The following ATR variants were observed in gnomAD, a reference collection of about 807,000 sequenced individuals.
ATR encodes the protein serine/threonine-protein kinase ATR.
Under a neutral mutation model 305.3 loss-of-function variants are expected in ATR, and 142 were observed. That is an observed-to-expected ratio of 0.47 (90% CI 0.41 to 0.53). ATR has a LOEUF of 0.53. Ranked by LOEUF, ATR falls within the 20% of genes least tolerant of loss-of-function variation. The pLI is 0.00. For missense variants in ATR, 2,135 were observed against 3,133.1 expected (o/e 0.68, Z 7.60); for synonymous variants, 1,050 against 1,068.1 (o/e 0.98, Z 0.33).
intron 40 of ATR, 89 bp downstream of exon 40, chr3:142,466,235 G>A (rs2071127411): frequency 1.1e-5 from 15 of 1,350,534 alleles, no homozygotes; most frequent in South Asian, 7.4e-5. Flanking sequence ...TAAGATTCAC[G>A]TAGATTTTGT....
At chr3:142,558,234 C>T (rs891492832) in intron 8 of ATR, among the ~76,000 whole-genome samples, 7 of 151,606 alleles carry the variant, frequency 4.6e-5, no homozygotes, top group African/African-American at 1.7e-4. Context: ...TAAAACAAAC[C>T]ACACAAGGCC....
chr3:142,560,609 G>A (rs1267141759), intron 5 of ATR, among the ~76,000 whole-genome samples, 155 bp from the exon 6 acceptor site: 1 of 151,190 alleles, frequency 6.6e-6, no homozygotes, highest in African/African-American at 2.4e-5. Flanking sequence ...CTCCCAGGCT[G>A]GAGTGCAGTG....
rs192967891 is a variant in ATR, at chr3:142,508,646, G to A, written c.4853-537C>T. ...ACAATAGAAATTGAAAGTAATGGCT[G>A]GGCATGATGGTTCACGCCTGTAATC... On this transcript the variant is annotated intron_variant, in intron 27 of 46. Transcript: ENST00000350721. Among the ~76,000 whole-genome samples, 157 of 152,250 alleles carry A rather than the reference G, an allele frequency of 1.0e-3. 1 individual carries two copies. Among genetic ancestry groups the A allele is most frequent in the African/African-American group, 3.6e-3 (149 of 41,558 alleles).
chr3:142,453,439 G>A (rs2108250172), intron 45 of ATR, among the ~76,000 whole-genome samples: 1 of 152,184 alleles, frequency 6.6e-6, no homozygotes, highest in East Asian at 1.9e-4. Context: ...CAAGATAGAG[G>A]GGAGTCAGAG....
At chr3:142,451,745 A>C (rs758346341) in intron 46 of ATR, 18 of 1,160,532 alleles carry the variant, frequency 1.6e-5, no homozygotes, top group Non-Finnish European at 1.9e-5. Flanking sequence ...GAGCCCAGCT[A>C]ATTAAAAAAA....
Position 142,485,265 on chromosome 3 carries a change from C to A in ATR, c.6096G>T (p.Leu2032=), listed in dbSNP as rs2108311616. Residue 2032 remains leucine (L), a synonymous_variant, in exon 36 of 47, where the codon CTG becomes CTT. Transcript: ENST00000350721. ...MKKYKDVTAC[L]PEWEDGHFYL... Reference sequence around the variant, plus strand: ...AAAAATGCCCATCCTCCCATTCTGGCAGGCACGCGGTCACATCCTATAAAA... The same window carrying A: ...AAAAATGCCCATCCTCCCATTCTGGAAGGCACGCGGTCACATCCTATAAAA... 1 of 1,614,152 alleles carries A rather than the reference C, an allele frequency of 6.2e-7. No individual in the cohort carries two copies. Among genetic ancestry groups the A allele is most frequent in the Non-Finnish European group, 8.5e-7 (1 of 1,180,002 alleles).
intron 35 of ATR, among the ~76,000 whole-genome samples, chr3:142,487,509 C>T (rs1287712376): frequency 3.3e-5 from 5 of 152,156 alleles, no homozygotes; most frequent in East Asian, 1.9e-4. Context: ...CAAGTTATTG[C>T]ATATAAATTT....
chr3:142,475,621 G>A (rs1188655489), intron 36 of ATR, among the ~76,000 whole-genome samples: 2 of 152,226 alleles, frequency 1.3e-5, no homozygotes, highest in Admixed American at 1.3e-4. Context: ...CCAGTAATGG[G>A]ATGGCTAGGT....
In ATR at chr3:142,519,721, T is replaced by C; in HGVS notation, c.4330A>G (p.Arg1444Gly). 1 of 1,614,182 alleles carries C rather than the reference T, an allele frequency of 6.2e-7. No individual in the cohort carries two copies. The change falls in exon 24 of 47, where the codon AGG (arginine) becomes GGG (glycine). Residue 1444 changes from arginine to glycine, a missense_variant. By Grantham distance (125) the Arg-to-Gly change is moderately radical (BLOSUM62 -2). This residue lies in a region of ATR where 202 missense variants were observed against 252.9 expected (regional missense o/e 0.80). Coordinates refer to ENST00000350721, the MANE Select transcript of ATR (RefSeq NM_001184.4). ...ETNGPGHQLW[R>G]RFPEHVREIL... Reference sequence around the variant, plus strand: ...TCCCGAACATGCTCAGGAAATCTCCTCCACAATTGGTGACCTGGGCCGTTG... The same window carrying C: ...TCCCGAACATGCTCAGGAAATCTCCCCCACAATTGGTGACCTGGGCCGTTG...
chr3:142,563,190 CT>C, intron 3 of ATR, 81 bp from the exon 4 acceptor site: 1 of 1,358,926 alleles, frequency 7.4e-7, no homozygotes, highest in Non-Finnish European at 1.0e-6. Flanking sequence ...TGACGATTGA[CT>C]TTTAAAGAAT....
Position 142,538,526 on chromosome 3 carries a change from A to T in ATR, c.3681T>A (p.Pro1227=), listed in dbSNP as rs2108432363. 6.2e-7 allele frequency: 1 copy of T among 1,613,390 alleles called. No individual in the cohort carries two copies. Among genetic ancestry groups the T allele is most frequent in the Non-Finnish European group, 8.5e-7 (1 of 1,179,482 alleles). Residue 1227 remains proline (P), a synonymous_variant, in exon 19 of 47, where the codon CCT becomes CCA. Coordinates refer to ENST00000350721, the MANE Select transcript of ATR (RefSeq NM_001184.4). ...VALLPLIHIQ[P]KETAAIFHYL... is the part of the protein sequence containing the mutation. The stretch of plus-strand genomic sequence containing the variant: ...AGTGGAAGATAGCTGCAGTTTCTTT[A>T]GGCTGGATGTGTATAAGAGGTAACA...
intron 46 of ATR, chr3:142,451,056 T>TC: frequency 7.8e-7 from 1 of 1,278,762 alleles, no homozygotes; most frequent in Non-Finnish European, 1.0e-6. Flanking sequence ...TCCCTGGAGC[T>TC]CCAGGAAAAT....
chr3:142,450,875 G>T (rs1401905734), intron 46 of ATR: 13 of 1,315,204 alleles, frequency 9.9e-6, no homozygotes, highest in Non-Finnish European at 1.2e-5. Context: ...CAAGCAGACA[G>T]ATACCAATAC....
At chr3:142,572,521 C>T (rs562420483) in intron 1 of ATR, among the ~76,000 whole-genome samples, 1 of 151,606 alleles carries the variant, frequency 6.6e-6, no homozygotes, top group South Asian at 2.1e-4. Context: ...GCCTGTAATC[C>T]CAGTGCTTTG....
rs2108512604 is a variant in ATR at position 142,578,656 on chromosome 3, C to T, written c.49G>A (p.Glu17Lys). The T allele has an allele frequency of 1.2e-6, 2 of 1,612,998 alleles. No homozygotes were observed. Among genetic ancestry groups the T allele is most frequent in the Non-Finnish European group, 1.7e-6 (2 of 1,179,654 alleles). The change falls in exon 1 of 47, where the codon GAG (glutamate) becomes AAG (lysine). Residue 17 changes from glutamate (E) to lysine (K), a missense_variant. Coordinates refer to ENST00000350721, the MANE Select transcript of ATR (RefSeq NM_001184.4). ...TGGGCCTAGCCCTACCTGCCCAGCTCCCGCAGGGCGGGGATCATGGAAGCC... is the reference window on the plus strand; with the variant it reads ...TGGGCCTAGCCCTACCTGCCCAGCTTCCGCAGGGCGGGGATCATGGAAGCC... ...ELASMIPALR[E>K]LGSATPEEYN...
rs1297497736 is a variant in ATR, at chr3:142,547,760, G to A, written c.3322C>T (p.Gln1108Ter). 1 of 1,613,768 alleles carries A rather than the reference G, an allele frequency of 6.2e-7. No homozygotes were observed. Among genetic ancestry groups the A allele is most frequent in the Non-Finnish European group, 8.5e-7 (1 of 1,179,904 alleles). Residue 1108 changes from glutamine to a stop codon, truncating the protein, a stop_gained, in exon 16 of 47, where the codon CAG becomes TAG. Coordinates refer to ENST00000350721, the MANE Select transcript of ATR (RefSeq NM_001184.4). LOFTEE classifies it high-confidence loss of function. ...GGTGATATGATATCTCTCGGGCCCTGATATGGATCATCACTGGATGCAAAT... is the reference window on the plus strand; with the variant it reads ...GGTGATATGATATCTCTCGGGCCCTAATATGGATCATCACTGGATGCAAAT... ...ASFASSDDPY[Q>*]GPRDIISPEL...
chr3:142,576,513 C>T (rs183899526), intron 1 of ATR, among the ~76,000 whole-genome samples: 45 of 152,224 alleles, frequency 3.0e-4, no homozygotes, highest in Non-Finnish European at 4.6e-4. Context: ...TTCTAGATTT[C>T]CAGTTTGGAG....
At chr3:142,451,564 CT>C in intron 46 of ATR, 2 of 1,323,880 alleles carry the variant, frequency 1.5e-6, no homozygotes, top group Non-Finnish European at 2.0e-6. Flanking sequence ...TGTCTGTATG[CT>C]TCATCCCAGC....
intron 46 of ATR, 148 bp downstream of exon 46, chr3:142,452,980 C>T: frequency 1.3e-6 from 2 of 1,512,246 alleles, no homozygotes; most frequent in Non-Finnish European, 1.8e-6. Flanking sequence ...CATTGTGATA[C>T]TAGAGAACTA....
Sources: allele counts gnomAD v4.1 joint callset (sites outside exome capture counted in the v4.1 genomes callset), GRCh38; gene constraint gnomAD v4.1.1; regional missense constraint gnomAD v4.1.1; transcripts MANE v1.5; gene names NCBI Gene and HGNC (gene_info 2026-07-23, HGNC 2026-07-21).